RTP5: variants seen among roughly 807,000 people sequenced by gnomAD.
The protein encoded by RTP5 is receptor-transporting protein 5.
RTP5 carries 30 observed loss-of-function variants against 23.5 expected under a neutral mutation model. That is an observed-to-expected ratio of 1.27 (90% CI 0.95 to 1.73). The LOEUF (loss-of-function observed/expected upper bound fraction) is 1.73. Among genes scored for constraint, RTP5 ranks in the 40% most tolerant of loss-of-function variants. The probability of loss-of-function intolerance (pLI) is 0.00; values close to 1 mark genes in which losing one functional copy is unlikely to be tolerated. For synonymous variants in RTP5, 354 were observed against 342.1 expected (o/e 1.03, Z -0.38); for missense variants, 807 against 784.2 (o/e 1.03, Z -0.35).
At chr2:241,871,577 G>A in intron 1 of RTP5, 137 bp from the exon 2 acceptor site, 1 of 1,231,606 alleles carries the variant, frequency 8.1e-7, no homozygotes, top group Non-Finnish European at 1.1e-6. Context: ...GAGGTTTGAG[G>A]TTTGAGTGTG....
chr2:241,873,353 GCCCGC>G lies in RTP5; in HGVS notation c.*86_*90del. ...CACCCCCCAACCCCGCCTTTGAGAT[GCCCGC>G]CCCGCCTCCGAGACCCCGCCTCCAC... On this transcript the variant is annotated 3_prime_UTR_variant, in exon 2 of 2. Coordinates refer to ENST00000343216, the MANE Select transcript of RTP5 (RefSeq NM_173821.3). 1 of 1,349,974 alleles carries G rather than the reference GCCCGC, an allele frequency of 7.4e-7. No individual in the cohort carries two copies. The highest frequency in any genetic ancestry group is 2.0e-5 in the African/African-American group (1 of 49,394). 83.6% of individuals were successfully genotyped at this position (1,349,974 alleles called of 1,614,324 possible). A position where few individuals can be genotyped will look rare whatever the true frequency, so the allele number is the denominator to read the frequency against.
Position 241,872,589 on chromosome 2 carries a change from T to C in RTP5, c.1034T>C (p.Leu345Pro). The change falls in exon 2 of 2, where the codon CTC becomes CCC. Residue 345 changes from leucine to proline, a missense_variant. By Grantham distance (98) the Leu-to-Pro change is moderately conservative. Coordinates refer to ENST00000343216, the MANE Select transcript of RTP5 (RefSeq NM_173821.3). ...GGCTCCCTCACCTTCCCCTCCTCCC[T>C]CACCAGCATCTTCACCAACACCCTC... ...GEGSLTFPSS[L>P]TSIFTNTLSE... The C allele has an allele frequency of 1.3e-6, 2 of 1,536,826 alleles. No homozygotes were observed. Among genetic ancestry groups the C allele is most frequent in the Non-Finnish European group, 1.8e-6 (2 of 1,142,684 alleles).
At chr2:241,871,045 T>C (rs1301850964) in intron 1 of RTP5, 3 of 470,920 alleles carry the variant, frequency 6.4e-6, no homozygotes, top group African/African-American at 6.0e-5. Context: ...ACCGGTCTGA[T>C]GACCGCCATG....
chr2:241,871,123 C>G, intron 1 of RTP5: 2 of 465,588 alleles, frequency 4.3e-6, no homozygotes, highest in Non-Finnish European at 8.9e-6. Flanking sequence ...GCAGGGCTGC[C>G]CGGGCCATGA....
Position 241,873,432 on chromosome 2 carries a change from CGCCTCCGAGACCCCGCCCT to C in RTP5, c.*164_*182del. The C allele has an allele frequency of 1.4e-6, 1 of 722,330 alleles. No individual in the cohort carries two copies. Among genetic ancestry groups the C allele is most frequent in the Middle Eastern group, 4.1e-4 (1 of 2,468 alleles). 44.7% of individuals were successfully genotyped at this position (722,330 alleles called of 1,614,324 possible). A position where few individuals can be genotyped will look rare whatever the true frequency, so the allele number is the denominator to read the frequency against. On this transcript the variant is annotated 3_prime_UTR_variant, in exon 2 of 2. Transcript: ENST00000343216. Reference sequence around the variant, plus strand: ...CCCCCGCCTCTGAGGCCCCGCCCCCCGCCTCCGAGACCCCGCCCTGCCTCTGAGACCCCGCCTCACCTCT... The same window carrying C: ...CCCCCGCCTCTGAGGCCCCGCCCCCCGCCTCTGAGACCCCGCCTCACCTCT...
chr2:241,870,955 T>C, intron 1 of RTP5: 1 of 471,138 alleles, frequency 2.1e-6, no homozygotes, highest in Non-Finnish European at 4.4e-6. Flanking sequence ...AAACTTCCAC[T>C]GCCTGGAACT....
chr2:241,871,737 G>T lies in RTP5; in HGVS notation c.182G>T (p.Gly61Val). Residue 61 changes from glycine (G) to valine (V), a missense_variant, in exon 2 of 2, where the codon GGG (glycine) becomes GTG (valine). Gly to Val is a moderately radical substitution (Grantham distance 109). Transcript: ENST00000343216. ...LSRLQCGHCP[G>V]TWDSAHVHVL... is the part of the protein sequence containing the mutation. ...AGGCTCCAGTGCGGTCACTGTCCGGGGACCTGGGACTCGGCCCATGTGCAC... is the reference window on the plus strand; with the variant it reads ...AGGCTCCAGTGCGGTCACTGTCCGGTGACCTGGGACTCGGCCCATGTGCAC... 2 of 1,605,674 alleles carry T rather than the reference G, an allele frequency of 1.2e-6. No individual in the cohort carries two copies. The highest frequency in any genetic ancestry group is 8.5e-7 in the Non-Finnish European group (1 of 1,176,882).
chr2:241,869,843 A>T lies in RTP5; in HGVS notation c.87A>T (p.Leu29=). ...AGCCCCAGGACGTCTGGGTTCTGCT[A>T]CCTGAGCACAGCCTGGTCCCGGGAT... ...ERKPQDVWVL[L]PEHSLVPGCL... Residue 29 remains leucine, a synonymous_variant, in exon 1 of 2, where the codon CTA becomes CTT. Transcript: ENST00000343216. The T allele has an allele frequency of 6.3e-7, 1 of 1,586,258 alleles. No homozygotes were observed. The highest frequency in any genetic ancestry group is 1.3e-5 in the African/African-American group (1 of 74,114).
rs767167544 is a variant in RTP5 at position 241,869,891 on chromosome 2, G to C, written c.135G>C (p.Gln45His). Residue 45 changes from glutamine (Q) to histidine (H), a missense_variant, in exon 1 of 2, where the codon CAG (glutamine) becomes CAC (histidine). Physicochemically the swap from Gln to His is conservative, Grantham distance 24 (BLOSUM62 0). Coordinates refer to ENST00000343216, the MANE Select transcript of RTP5 (RefSeq NM_173821.3). ...GATGCCTGGACGGCGGTGGTGTCCA[G>C]TACCTGCTGGTGGGGCTCTCGAGGT... ...VPGCLDGGGV[Q>H]YLLVGLSRLQ... 2 of 1,561,280 alleles carry C rather than the reference G, an allele frequency of 1.3e-6. No individual in the cohort carries two copies. The highest frequency in any genetic ancestry group is 1.7e-6 in the Non-Finnish European group (2 of 1,156,514).
Position 241,871,955 on chromosome 2 carries a change from C to A in RTP5, c.400C>A (p.Arg134=). ...DCYGDGPGPA[R]HPREAYEGCC... is the part of the protein sequence containing the mutation. ...CTACGGGGATGGCCCCGGCCCAGCCCGGCACCCCAGGGAGGCCTATGAGGG... is the reference window on the plus strand; with the variant it reads ...CTACGGGGATGGCCCCGGCCCAGCCAGGCACCCCAGGGAGGCCTATGAGGG... Residue 134 remains arginine (R), a synonymous_variant, in exon 2 of 2, where the codon CGG becomes AGG. Coordinates refer to ENST00000343216, the MANE Select transcript of RTP5 (RefSeq NM_173821.3). 1 of 1,591,636 alleles carries A rather than the reference C, an allele frequency of 6.3e-7. No individual in the cohort carries two copies. The highest frequency in any genetic ancestry group is 1.7e-5 in the Admixed American group (1 of 57,214).
Position 241,872,525 on chromosome 2 carries a change from A to T in RTP5, c.970A>T (p.Thr324Ser), listed in dbSNP as rs1180663041. ...GLVPVGKHTP[T>S]VFYCVGLSAS... ...CGTCCCTGTGGGGAAACACACGCCA[A>T]CCGTGTTCTACTGTGTGGGCCTCTC... The change falls in exon 2 of 2, where the codon ACC (threonine) becomes TCC (serine). Residue 324 changes from threonine to serine, a missense_variant. Thr to Ser is a moderately conservative substitution (Grantham distance 58, BLOSUM62 1). Transcript: ENST00000343216. 1 of 1,579,864 alleles carries T rather than the reference A, an allele frequency of 6.3e-7. No homozygotes were observed. Among genetic ancestry groups the T allele is most frequent in the East Asian group, 2.3e-5 (1 of 44,224 alleles).
rs182159681 is a variant in RTP5, at chr2:241,873,466, G to A, written c.*192G>A. The A allele has an allele frequency of 2.6e-3, 1,176 of 445,800 alleles. 82 individuals carry two copies. In the African/African-American group the frequency reaches 0.049, roughly 19 times the overall value. 27.6% of individuals were successfully genotyped at this position (445,800 alleles called of 1,614,324 possible). A position where few individuals can be genotyped will look rare whatever the true frequency, so the allele number is the denominator to read the frequency against. The stretch of plus-strand genomic sequence containing the variant: ...GACCCCGCCCTGCCTCTGAGACCCC[G>A]CCTCACCTCTGAGACACCCCCCAAC... On this transcript the variant is annotated 3_prime_UTR_variant, in exon 2 of 2. Coordinates refer to ENST00000343216, the MANE Select transcript of RTP5 (RefSeq NM_173821.3).
chr2:241,872,305 G>A lies in RTP5; in HGVS notation c.750G>A (p.Gly250=). Residue 250 remains glycine (G), a synonymous_variant, in exon 2 of 2, where the codon GGG becomes GGA. Coordinates refer to ENST00000343216, the MANE Select transcript of RTP5 (RefSeq NM_173821.3). ...GCCAGGGCTCCATCTTCCTGTCTGG[G>A]GATTCAGTGGCCATGCCTGGGGGCA... ...VIGQGSIFLS[G]DSVAMPGGKG... 1 of 1,603,298 alleles carries A rather than the reference G, an allele frequency of 6.2e-7. No individual in the cohort carries two copies. The highest frequency in any genetic ancestry group is 8.5e-7 in the Non-Finnish European group (1 of 1,174,532).
In RTP5 at chr2:241,872,248, T is replaced by C; in HGVS notation, c.693T>C (p.Pro231=). 1 of 1,604,298 alleles carries C rather than the reference T, an allele frequency of 6.2e-7. No homozygotes were observed. The highest frequency in any genetic ancestry group is 8.5e-7 in the Non-Finnish European group (1 of 1,174,626). Residue 231 remains proline (P), a synonymous_variant, in exon 2 of 2, where the codon CCT becomes CCC. Coordinates refer to ENST00000343216, the MANE Select transcript of RTP5 (RefSeq NM_173821.3). ...GPAPPAGASL[P]VTGSCEALVI... is the part of the protein sequence containing the mutation. ...CCCCCCCTGCGGGGGCCTCTCTCCC[T>C]GTGACTGGCAGCTGTGAGGCCCTGG...
rs958418699 is a variant in RTP5, at chr2:241,869,771, G to A, written c.15G>A (p.Gly5=). The A allele has an allele frequency of 6.5e-7, 1 of 1,534,670 alleles. No homozygotes were observed. The highest frequency in any genetic ancestry group is 8.8e-7 in the Non-Finnish European group (1 of 1,142,830). Residue 5 remains glycine, a synonymous_variant, in exon 1 of 2, where the codon GGG becomes GGA. Transcript: ENST00000343216. MDRA[G]ADMWASTFTL... ...CAGGCGGCAGCATGGACCGGGCTGG[G>A]GCAGACATGTGGGCCAGCACCTTCA... is the stretch of plus-strand genomic sequence containing the variant.
chr2:241,873,286 T>G lies in RTP5; in HGVS notation c.*12T>G. On this transcript the variant is annotated 3_prime_UTR_variant, in exon 2 of 2. Coordinates refer to ENST00000343216, the MANE Select transcript of RTP5 (RefSeq NM_173821.3). ...CGCAGCAAGTGTGACGCCCCGAAGTTCAGGCAACCCTCGCCTCTGGGACCC... is the reference window on the plus strand; with the variant it reads ...CGCAGCAAGTGTGACGCCCCGAAGTGCAGGCAACCCTCGCCTCTGGGACCC... 6.4e-7 allele frequency: 1 copy of G among 1,561,052 alleles called. No individual in the cohort carries two copies. The highest frequency in any genetic ancestry group is 8.7e-7 in the Non-Finnish European group (1 of 1,155,962).
chr2:241,873,372 C>G lies in RTP5; in HGVS notation c.*98C>G, dbSNP rs1701365439. The G allele has an allele frequency of 8.0e-7, 1 of 1,244,262 alleles. No homozygotes were observed. The highest frequency in any genetic ancestry group is 3.1e-5 in the Admixed American group (1 of 32,244). 77.1% of individuals were successfully genotyped at this position (1,244,262 alleles called of 1,614,324 possible). A position where few individuals can be genotyped will look rare whatever the true frequency, so the allele number is the denominator to read the frequency against. ...TGAGATGCCCGCCCCGCCTCCGAGA[C>G]CCCGCCTCCACCTCCGAGACCCCTT... On this transcript the variant is annotated 3_prime_UTR_variant, in exon 2 of 2. Coordinates refer to ENST00000343216, the MANE Select transcript of RTP5 (RefSeq NM_173821.3).
In RTP5 at chr2:241,872,851, AGAT is replaced by A; in HGVS notation, c.1298_1300del (p.Asp433del). On this transcript the variant is annotated inframe_deletion, in exon 2 of 2. Transcript: ENST00000343216. The stretch of plus-strand genomic sequence containing the variant: ...CCTTCCCTGCTGATGTCCAAGGCAA[AGAT>A]GCCTTTACTGACATCACTGAAGGCA... 2 of 1,612,602 alleles carry A rather than the reference AGAT, an allele frequency of 1.2e-6. No individual in the cohort carries two copies. Among genetic ancestry groups the A allele is most frequent in the South Asian group, 2.2e-5 (2 of 91,064 alleles).
intron 1 of RTP5, 74 bp from the exon 2 acceptor site, chr2:241,871,640 G>A (rs762228991): frequency 2.3e-4 from 346 of 1,478,218 alleles, no homozygotes; most frequent in Middle Eastern, 4.9e-4. Context: ...CAAGGAGGCC[G>A]CAGAGCAGAG....
Sources: allele counts gnomAD v4.1 joint callset, GRCh38; gene constraint gnomAD v4.1.1; transcripts MANE v1.5; gene names NCBI Gene and HGNC (gene_info 2026-07-23, HGNC 2026-07-21).